CABCOCO1: variants seen among roughly 807,000 people sequenced by gnomAD.
CABCOCO1 encodes the protein ciliary-associated calcium-binding coiled-coil protein 1.
Under a neutral mutation model 35.7 loss-of-function variants are expected in CABCOCO1, and 28 were observed. The observed-to-expected ratio is 0.78, with a 90% CI of 0.58 to 1.07. The LOEUF (loss-of-function observed/expected upper bound fraction) is 1.07. Ranked by LOEUF, CABCOCO1 falls within the 50% of genes least tolerant of loss-of-function variation. The pLI is 0.00. For synonymous variants in CABCOCO1, 95 were observed against 100.1 expected, an observed-to-expected ratio of 0.95 and a Z score of 0.30; for missense variants, 326 against 309.2, an observed-to-expected ratio of 1.05 and a Z score of -0.41.
At chr10:61,763,860 G>A (rs2132098473) in intron 7 of CABCOCO1, among the ~76,000 whole-genome samples, 1 of 151,708 alleles carries the variant, frequency 6.6e-6, no homozygotes, top group Middle Eastern at 3.4e-3. Flanking sequence ...GCAAAGTTCT[G>A]AAGAATGACA....
chr10:61,738,478 C>T (rs1368115216), intron 5 of CABCOCO1, among the ~76,000 whole-genome samples: 1 of 152,168 alleles, frequency 6.6e-6, no homozygotes, highest in Non-Finnish European at 1.5e-5. Flanking sequence ...AATATCACTA[C>T]TTTATATTGC....
chr10:61,680,087 G>A (rs1179917525), intron 2 of CABCOCO1, among the ~76,000 whole-genome samples: 1 of 151,758 alleles, frequency 6.6e-6, no homozygotes, highest in Non-Finnish European at 1.5e-5. Flanking sequence ...AAGGCGGGCA[G>A]ATCACTTGAG....
intron 5 of CABCOCO1, among the ~76,000 whole-genome samples, chr10:61,730,763 AATT>A (rs1841284358): frequency 6.6e-6 from 1 of 152,064 alleles, no homozygotes; most frequent in Admixed American, 6.6e-5. Context: ...TAATAGTGCA[AATT>A]ATTATTGTTT....
At chr10:61,726,887 G>A (rs547992192) in intron 5 of CABCOCO1, among the ~76,000 whole-genome samples, 52 of 140,730 alleles carry the variant, frequency 3.7e-4, no homozygotes, top group African/African-American at 1.2e-3. Flanking sequence ...GCAAAACCCC[G>A]TCTCTACAGA....
intron 2 of CABCOCO1, among the ~76,000 whole-genome samples, chr10:61,674,304 C>T (rs562816255): frequency 6.6e-6 from 1 of 152,152 alleles, no homozygotes; most frequent in African/African-American, 2.4e-5. Context: ...GAAGGTGATG[C>T]AGAAGTTAGC....
At chr10:61,690,736 A>G (rs1306520087) in intron 5 of CABCOCO1, 115 bp downstream of exon 5, 3 of 599,084 alleles carry the variant, frequency 5.0e-6, no homozygotes, top group Non-Finnish European at 8.8e-6. Context: ...TCAAGTGTTA[A>G]TATAATCAAC....
rs5785493 is a variant in CABCOCO1, at chr10:61,749,970, C to CTT, written c.553-10077_553-10076dup. Among the ~76,000 whole-genome samples the CTT allele has an allele frequency of 2.2e-3, 317 of 146,318 alleles. 1 individual carries two copies. Among genetic ancestry groups the CTT allele is most frequent in the South Asian group, 7.1e-3 (33 of 4,620 alleles). On this transcript the variant is annotated intron_variant, in intron 5 of 7. Transcript: ENST00000648843. ...GTAAGTTCTCAATAAATGAGAGCTG[C>CTT]TTTTTTTTTTTTTCATCATCACAGT...
chr10:61,677,217 A>T (rs1839541538), intron 2 of CABCOCO1, among the ~76,000 whole-genome samples: 2 of 152,176 alleles, frequency 1.3e-5, no homozygotes, highest in South Asian at 4.1e-4. Context: ...GCCTTTCTGG[A>T]GGGAAGTTTA....
At chr10:61,670,357 A>G (rs1303790298) in intron 1 of CABCOCO1, among the ~76,000 whole-genome samples, 1 of 152,060 alleles carries the variant, frequency 6.6e-6, no homozygotes, top group Non-Finnish European at 1.5e-5. Context: ...ATACTAAAAT[A>G]CTTTTTTCTT....
intron 5 of CABCOCO1, among the ~76,000 whole-genome samples, chr10:61,738,317 T>G (rs1468450443): frequency 2.0e-5 from 3 of 152,140 alleles, no homozygotes; most frequent in African/African-American, 7.2e-5. Flanking sequence ...TCCCATAAGA[T>G]TTTGTGAAAA....
chr10:61,746,988 T>C (rs1369365599), intron 5 of CABCOCO1, among the ~76,000 whole-genome samples: 1 of 152,140 alleles, frequency 6.6e-6, no homozygotes, highest in Non-Finnish European at 1.5e-5. Flanking sequence ...GGTAGTTCTG[T>C]AGGTGATTAA....
intron 5 of CABCOCO1, among the ~76,000 whole-genome samples, chr10:61,710,253 A>AGTGTGT (rs55784501): frequency 1.4e-5 from 2 of 146,556 alleles, no homozygotes; most frequent in African/African-American, 2.5e-5. Context: ...TGTGTGTGTG[A>AGTGTGT]GTGTGTGTGT....
intron 5 of CABCOCO1, among the ~76,000 whole-genome samples, chr10:61,752,846 G>GTTTTTT (rs1841819511): frequency 1.3e-5 from 2 of 152,160 alleles, no homozygotes; most frequent in African/African-American, 4.8e-5. Flanking sequence ...CCCACTTTCA[G>GTTTTTT]TTGTGGACTT....
intron 5 of CABCOCO1, among the ~76,000 whole-genome samples, chr10:61,756,544 A>C (rs1038114334): frequency 6.6e-6 from 1 of 152,068 alleles, no homozygotes; most frequent in South Asian, 2.1e-4. Context: ...TATTATATCC[A>C]TTTGTGTTCA....
chr10:61,727,736 T>C (rs1841192887), intron 5 of CABCOCO1, among the ~76,000 whole-genome samples: 1 of 152,202 alleles, frequency 6.6e-6, no homozygotes, highest in Admixed American at 6.5e-5. Flanking sequence ...ATTATCGGCA[T>C]GACTCAATAA....
intron 5 of CABCOCO1, among the ~76,000 whole-genome samples, chr10:61,705,124 TAAG>T: frequency 6.6e-6 from 1 of 152,236 alleles, no homozygotes; most frequent in South Asian, 2.1e-4. Context: ...TGTTTGAAGC[TAAG>T]TCTTTTGTGA....
intron 5 of CABCOCO1, among the ~76,000 whole-genome samples, chr10:61,732,917 C>A (rs1444468): frequency 0.4 from 61,215 of 151,866 alleles, 14,423 homozygotes; most frequent in Middle Eastern, 0.54. Context: ...TTAATCTTGG[C>A]CAAATCTTGA....
chr10:61,698,604 T>C (rs901738848), intron 5 of CABCOCO1, among the ~76,000 whole-genome samples: 1 of 152,136 alleles, frequency 6.6e-6, no homozygotes, highest in Non-Finnish European at 1.5e-5. Context: ...TCAGTGAATG[T>C]CAACTGTATA....
rs11269470 is a variant in CABCOCO1 at position 61,663,010 on chromosome 10, C to CAGGGCCGACCCCGGA, written c.38_39insAGGGCCGACCCCGGA (p.Gly14_Thr15insProThrProGluGly). The CAGGGCCGACCCCGGA allele has an allele frequency of 8.9e-6, 3 of 337,512 alleles. No homozygotes were observed. The Admixed American group carries it at 1.2e-4, about 14-fold the overall frequency. The allele number at this position is 337,512 out of a possible 1,614,324, so 20.9% of individuals were successfully genotyped here. On this transcript the variant is annotated inframe_insertion, in exon 1 of 8. Transcript: ENST00000648843. ...ACGACTCCCTGGGGGCCGACCCCGG[C>CAGGGCCGACCCCGGA]GGGAACCACGCCCGAATCGGAGGTA...
Sources: allele counts gnomAD v4.1 joint callset (sites outside exome capture counted in the v4.1 genomes callset), GRCh38; gene constraint gnomAD v4.1.1; transcripts MANE v1.5; gene names NCBI Gene and HGNC (gene_info 2026-07-23, HGNC 2026-07-21).